Variants in CCDC102B observed in about 807,000 individuals in gnomAD.
The protein encoded by CCDC102B is coiled-coil domain containing 102B.
CCDC102B carries 75 observed loss-of-function variants against 57.4 expected under a neutral mutation model. That is an observed-to-expected ratio of 1.31 (90% CI 1.08 to 1.58). The LOEUF is 1.58. Among genes scored for constraint, CCDC102B ranks in the 40% most tolerant of loss-of-function variants. The pLI is 0.00. For missense variants in CCDC102B, 636 were observed against 582.6 expected, an observed-to-expected ratio of 1.09 and a Z score of -0.94; for synonymous variants, 206 against 201.9, an observed-to-expected ratio of 1.02 and a Z score of -0.17.
chr18:68,813,759 T>A (rs8083161), intron 1 of CCDC102B, among the ~76,000 whole-genome samples: 25,701 of 149,172 alleles, frequency 0.17, 2,520 homozygotes, highest in East Asian at 0.35. Flanking sequence ...GATGAAGTCA[T>A]ATTAAAATAT....
intron 4 of CCDC102B, among the ~76,000 whole-genome samples, chr18:68,848,208 A>T (rs1181380401): frequency 6.6e-6 from 1 of 151,960 alleles, no homozygotes; most frequent in African/African-American, 2.4e-5. Context: ...GTCTCCGTAC[A>T]GTTGATTGAC....
intron 7 of CCDC102B, among the ~76,000 whole-genome samples, chr18:69,023,326 TG>T (rs2051899372): frequency 6.6e-6 from 1 of 152,100 alleles, no homozygotes; most frequent in South Asian, 2.1e-4. Context: ...CATTTAAGAA[TG>T]TAAGTAAAAA....
At chr18:68,792,172 A>C (rs2035484466) in intron 2 of CCDC102B, among the ~76,000 whole-genome samples, 1 of 152,204 alleles carries the variant, frequency 6.6e-6, no homozygotes, top group Admixed American at 6.5e-5. Flanking sequence ...CTATATTTTT[A>C]ATCCTAATTT....
chr18:69,002,751 A>G (rs923629379), intron 6 of CCDC102B, among the ~76,000 whole-genome samples: 1 of 152,106 alleles, frequency 6.6e-6, no homozygotes, highest in Admixed American at 6.5e-5. Flanking sequence ...ATTTTTAGAA[A>G]CGACGTATAC....
In CCDC102B at chr18:68,956,425, T is replaced by TAAA. The variant is rs1417535202; in HGVS notation, c.1264-54509_1264-54508insAAA. 1.9e-4 allele frequency among the ~76,000 whole-genome samples: 9 copies of TAAA among 48,344 alleles called. No homozygotes were observed. In the South Asian group the frequency reaches 3.2e-3, roughly 17 times the overall value. The allele number at this position is 48,344 out of a possible 152,430, so 31.7% of individuals were successfully genotyped here. ...ATATATTTTATATATATTATATATA[T>TAAA]TATACATTTTATATATATTATATAT... On this transcript the variant is annotated intron_variant, in intron 6 of 7. Transcript: ENST00000360242.
intron 6 of CCDC102B, among the ~76,000 whole-genome samples, chr18:68,938,390 A>G (rs2049298889): frequency 6.6e-6 from 1 of 152,026 alleles, no homozygotes; most frequent in African/African-American, 2.4e-5. Context: ...CACTTCATAC[A>G]GCATTTTGTG....
chr18:68,981,791 A>G (rs1475580914), intron 6 of CCDC102B, among the ~76,000 whole-genome samples: 4 of 151,874 alleles, frequency 2.6e-5, no homozygotes, highest in Non-Finnish European at 5.9e-5. Flanking sequence ...AGAAAGACAA[A>G]TAGGTGTTCT....
intron 7 of CCDC102B, among the ~76,000 whole-genome samples, chr18:69,046,981 C>T (rs1205767300): frequency 6.6e-6 from 1 of 152,102 alleles, no homozygotes; most frequent in Non-Finnish European, 1.5e-5. Context: ...CAGTACCATG[C>T]TGTTTTGGTT....
Position 68,873,205 on chromosome 18 carries a change from C to G in CCDC102B, c.937-1464C>G, listed in dbSNP as rs181030433. ...AGCTGGACTTGCATATTCAGACTTTCAAATAACTCTGTGGTATTATCTCTT... is the reference window on the plus strand; with the variant it reads ...AGCTGGACTTGCATATTCAGACTTTGAAATAACTCTGTGGTATTATCTCTT... On this transcript the variant is annotated intron_variant, in intron 4 of 7. Coordinates refer to ENST00000360242, the MANE Select transcript of CCDC102B (RefSeq NM_024781.3). Among the ~76,000 whole-genome samples, 728 of 152,172 alleles carry G rather than the reference C, an allele frequency of 4.8e-3. 19 individuals are homozygous for G. Among genetic ancestry groups the G allele is most frequent in the South Asian group, 2.3e-3 (11 of 4,818 alleles).
intron 2 of CCDC102B, among the ~76,000 whole-genome samples, chr18:68,765,558 T>C (rs989484433): frequency 1.3e-5 from 2 of 152,102 alleles, no homozygotes; most frequent in African/African-American, 4.8e-5. Flanking sequence ...CCAAAGGGAC[T>C]ATAGTAATTT....
At chr18:68,838,329 G>A (rs8083063) in intron 2 of CCDC102B, 780,519 of 791,934 alleles carry the variant, frequency 0.99, 385,217 homozygotes, top group Non-Finnish European at 1. Flanking sequence ...GTTAAAAAAT[G>A]ATTGCTTTGA....
At chr18:68,886,162 T>G (rs1188875472) in intron 5 of CCDC102B, among the ~76,000 whole-genome samples, 3 of 151,526 alleles carry the variant, frequency 2.0e-5, no homozygotes, top group Admixed American at 6.6e-5. Context: ...AAGGGAGGAG[T>G]AAGTGAATTA....
At chr18:69,017,225 C>T (rs184193915) in intron 7 of CCDC102B, among the ~76,000 whole-genome samples, 134 of 152,244 alleles carry the variant, frequency 8.8e-4, no homozygotes, top group African/African-American at 3.2e-3. Flanking sequence ...AAGCAATCCT[C>T]CCACCTCAGC....
downstream of CCDC102B, among the ~76,000 whole-genome samples, chr18:69,057,847 C>T (rs1384856138): frequency 6.6e-6 from 1 of 151,938 alleles, no homozygotes; most frequent in Non-Finnish European, 1.5e-5. Flanking sequence ...TATTTTTCCC[C>T]AGCTTTTCTT....
intron 2 of CCDC102B, among the ~76,000 whole-genome samples, chr18:68,758,791 G>T (rs2034144738): frequency 6.6e-6 from 1 of 151,898 alleles, no homozygotes; most frequent in East Asian, 1.9e-4. Context: ...AGGCAGAGGG[G>T]TTATATGAAA....
chr18:68,738,317 A>G (rs1229563924), intron 2 of CCDC102B, among the ~76,000 whole-genome samples: 2 of 152,152 alleles, frequency 1.3e-5, no homozygotes, highest in African/African-American at 2.4e-5. Flanking sequence ...TAAGAATAAG[A>G]TGTCTTATCT....
intron 6 of CCDC102B, among the ~76,000 whole-genome samples, chr18:68,978,996 A>G (rs1394240489): frequency 6.6e-6 from 1 of 152,186 alleles, no homozygotes; most frequent in East Asian, 1.9e-4. Context: ...TGTCTTATTT[A>G]TAGACATTTC....
intron 1 of CCDC102B, among the ~76,000 whole-genome samples, chr18:68,799,877 A>C (rs1382859130): frequency 6.6e-6 from 1 of 152,148 alleles, no homozygotes; most frequent in African/African-American, 2.4e-5. Context: ...GAACAGGAAA[A>C]ATTGATAGAG....
chr18:68,781,739 G>A (rs545733231), intron 2 of CCDC102B, among the ~76,000 whole-genome samples: 43 of 152,082 alleles, frequency 2.8e-4, no homozygotes, highest in African/African-American at 9.6e-4. Flanking sequence ...ATCTGGATTT[G>A]GCTTGTATAA....
Sources: allele counts gnomAD v4.1 joint callset (sites outside exome capture counted in the v4.1 genomes callset), GRCh38; gene constraint gnomAD v4.1.1; transcripts MANE v1.5; gene names NCBI Gene and HGNC (gene_info 2026-07-23, HGNC 2026-07-21).